The following FBXL19 variants were observed in gnomAD, a reference collection of about 807,000 sequenced individuals.
FBXL19 encodes F-box and leucine rich repeat protein 19.
FBXL19 carries 16 observed loss-of-function variants against 71.2 expected under a neutral mutation model. The ratio of observed to expected loss-of-function variants is 0.22; its 90% CI spans 0.15 to 0.34. The LOEUF is 0.34. Among genes scored for constraint, FBXL19 ranks in the 10% least tolerant of loss-of-function variants. The pLI, the probability that FBXL19 is intolerant of heterozygous loss-of-function variation, is 1.00. For synonymous variants in FBXL19, 447 were observed against 409.4 expected, an observed-to-expected ratio of 1.09 and a Z score of -1.11; for missense variants, 658 against 968.2, an observed-to-expected ratio of 0.68 and a Z score of 4.25.
intron 7 of FBXL19, among the ~76,000 whole-genome samples, chr16:30,941,343 G>T (rs1410480137): frequency 6.6e-6 from 1 of 152,136 alleles, no homozygotes; most frequent in Non-Finnish European, 1.5e-5. Flanking sequence ...AGCCAGGCGT[G>T]GTGACATGTG....
chr16:30,927,719 T>C, intron 4 of FBXL19, 26 bp from the exon 5 acceptor site: 1 of 1,555,636 alleles, frequency 6.4e-7, no homozygotes, highest in Non-Finnish European at 8.7e-7. Context: ...GTGCAGGTCC[T>C]CACCCCCAGC....
chr16:30,923,070 C>T (rs1447972952), upstream of FBXL19: 10 of 456,708 alleles, frequency 2.2e-5, no homozygotes, highest in Non-Finnish European at 3.5e-5. Flanking sequence ...GCTTGTAGTC[C>T]TCTTTCCTTT....
intron 7 of FBXL19, among the ~76,000 whole-genome samples, chr16:30,931,477 G>A (rs571842453): frequency 2.0e-5 from 3 of 152,278 alleles, no homozygotes; most frequent in South Asian, 2.1e-4. Flanking sequence ...CCAGGGACTC[G>A]CTGTGGCTGG....
intron 7 of FBXL19, 147 bp from the exon 8 acceptor site, chr16:30,941,968 CT>C: frequency 1.2e-6 from 1 of 837,176 alleles, no homozygotes; most frequent in Non-Finnish European, 1.7e-6. Flanking sequence ...TCCCAGTGCT[CT>C]TGGCTGAGGT....
rs1364311396 is a variant in FBXL19 at position 30,928,313 on chromosome 16, C to T, written c.628-154C>T. Among the ~76,000 whole-genome samples the T allele has an allele frequency of 3.3e-5, 5 of 152,122 alleles. No individual in the cohort carries two copies. The East Asian group carries it at 7.7e-4, about 24-fold the overall frequency. On this transcript the variant is annotated intron_variant, in intron 5 of 10. Transcript: ENST00000338343. ...ATGGAGCATGCTCAGTGGGCTAGGA[C>T]GCTGGGTGCAAGGTGAGCATGCTCA...
chr16:30,946,494 C>T lies in FBXL19; in HGVS notation c.1628-236C>T, dbSNP rs2055859771. 6.6e-6 allele frequency among the ~76,000 whole-genome samples: 1 copy of T among 152,212 alleles called. No individual in the cohort carries two copies. Among genetic ancestry groups the T allele is most frequent in the African/African-American group, 2.4e-5 (1 of 41,440 alleles). The stretch of plus-strand genomic sequence containing the variant: ...TGCTAGGATTACAGGCATGAGCCAC[C>T]ACGCCTGGCAGAATATTGTAGTCTC... On this transcript the variant is annotated intron_variant, in intron 9 of 10. Coordinates refer to ENST00000338343, the MANE Select transcript of FBXL19 (RefSeq NM_001382779.1). The surrounding 1 kb of genome is among the most constrained non-coding windows in gnomAD (Gnocchi z 6.7).
chr16:30,926,111 G>A (rs1380982493), intron 2 of FBXL19, among the ~76,000 whole-genome samples, 180 bp downstream of exon 2: 1 of 152,206 alleles, frequency 6.6e-6, no homozygotes, highest in Non-Finnish European at 1.5e-5. Context: ...GCTGGGGGCA[G>A]TGTCCAGGTG....
At chr16:30,941,973 CT>C (rs1404257882) in intron 7 of FBXL19, 142 bp from the exon 8 acceptor site, 1 of 876,902 alleles carries the variant, frequency 1.1e-6, no homozygotes, top group African/African-American at 1.7e-5. Context: ...GTGCTCTTGG[CT>C]GAGGTCAGGT....
rs1348996312 is a variant in FBXL19, at chr16:30,930,407, C to T, written c.1124C>T (p.Pro375Leu). ...PLGPAPPPRPPQLERHVVRPP... is the reference protein window; with the variant it reads ...PLGPAPPPRPLQLERHVVRPP... ...GGCCCAGCCCCACCACCCCGGCCTC[C>T]ACAGCTGGAGCGGCACGTGGTGCGG... The change falls in exon 7 of 11, where the codon CCA becomes CTA. Residue 375 changes from proline (P) to leucine (L), a missense_variant. By Grantham distance (98) the Pro-to-Leu change is moderately conservative. Around this residue, in one of 8 missense-constraint regions of FBXL19, gnomAD observed 447 missense variants for 515.4 expected, o/e 0.87. Transcript: ENST00000338343. This position sits in a 1 kb window ranked among gnomAD's most constrained non-coding sequence, Gnocchi z 8.5. 5 of 1,528,100 alleles carry T rather than the reference C, an allele frequency of 3.3e-6. No individual in the cohort carries two copies. The highest frequency in any genetic ancestry group is 4.4e-6 in the Non-Finnish European group (5 of 1,142,560). The allele number at this position is 1,528,100 out of a possible 1,614,324, so 94.7% of individuals were successfully genotyped here.
In FBXL19 at chr16:30,942,583, G is replaced by C; in HGVS notation, c.1627+47G>C. On this transcript the variant is annotated intron_variant, in intron 9 of 10. Transcript: ENST00000338343. This position sits in a 1 kb window ranked among gnomAD's most constrained non-coding sequence, Gnocchi z 5.7. ...CTGGAGAATGGGCTGGGCAAGGGTA[G>C]GGTAGGAGGCCTCTCAGGTCTCTTC... The C allele has an allele frequency of 2.6e-6, 4 of 1,511,786 alleles. No individual in the cohort carries two copies. The highest frequency in any genetic ancestry group is 3.5e-6 in the Non-Finnish European group (4 of 1,128,446). The allele number at this position is 1,511,786 out of a possible 1,614,324, so 93.6% of individuals were successfully genotyped here.
Position 30,925,566 on chromosome 16 carries a change from C to T in FBXL19, c.-24-165C>T. The T allele has an allele frequency of 1.5e-6, 1 of 678,152 alleles. No homozygotes were observed. Among genetic ancestry groups the T allele is most frequent in the Non-Finnish European group, 2.2e-6 (1 of 454,736 alleles). The allele number at this position is 678,152 out of a possible 1,614,324, so 42.0% of individuals were successfully genotyped here. A position where few individuals can be genotyped will look rare whatever the true frequency, so the allele number is the denominator to read the frequency against. ...TCTTGAGCTGCTGCAGGGAGACAGG[C>T]CTTGAGTAGAGGATTGGCCCCCAGA... On this transcript the variant is annotated intron_variant, in intron 1 of 10. Coordinates refer to ENST00000338343, the MANE Select transcript of FBXL19 (RefSeq NM_001382779.1). This position sits in a 1 kb window ranked among gnomAD's most constrained non-coding sequence, Gnocchi z 5.0.
In FBXL19 at chr16:30,946,912, C is replaced by T. The variant is rs752940698; in HGVS notation, c.1810C>T (p.Pro604Ser). The part of the protein sequence containing the change: ...SVHLLTAPTS[P>S]LRETLVHLNL... ...TCACCTCCTCACGGCCCCCACGTCC[C>T]CACTCCGCGAGACCCTGGTGCACCT... is the stretch of plus-strand genomic sequence containing the variant. The change falls in exon 10 of 11, where the codon CCA becomes TCA. Residue 604 changes from proline to serine, a missense_variant. Transcript: ENST00000338343. This position sits in a 1 kb window ranked among gnomAD's most constrained non-coding sequence, Gnocchi z 6.7. 1 of 1,610,534 alleles carries T rather than the reference C, an allele frequency of 6.2e-7. No homozygotes were observed. Among genetic ancestry groups the T allele is most frequent in the Admixed American group, 1.7e-5 (1 of 59,692 alleles).
chr16:30,924,389 C>A lies in FBXL19; in HGVS notation c.-95C>A. 2 of 199,370 alleles carry A rather than the reference C, an allele frequency of 1.0e-5. No individual in the cohort carries two copies. The highest frequency in any genetic ancestry group is 3.5e-4 in the South Asian group (2 of 5,752). The allele number at this position is 199,370 out of a possible 1,614,324, so 12.4% of individuals were successfully genotyped here. A position where few individuals can be genotyped will look rare whatever the true frequency, so the allele number is the denominator to read the frequency against. ...CCGCGCCCCGCGCCGCCCGGCCCCC[C>A]CGCCGCCGATGGCCGCCGACCCGCC... On this transcript the variant is annotated 5_prime_UTR_variant, in exon 1 of 11. Transcript: ENST00000338343.
chr16:30,932,066 G>A (rs2055680929), intron 7 of FBXL19, among the ~76,000 whole-genome samples: 1 of 152,056 alleles, frequency 6.6e-6, no homozygotes, highest in African/African-American at 2.4e-5. Flanking sequence ...TAAACCATTA[G>A]GCCAGTCACT....
chr16:30,947,819 G>A lies in FBXL19; in HGVS notation c.*589G>A. The A allele has an allele frequency of 4.5e-6, 2 of 446,062 alleles. No homozygotes were observed. Among genetic ancestry groups the A allele is most frequent in the Non-Finnish European group, 9.0e-6 (2 of 222,164 alleles). 27.6% of individuals were successfully genotyped at this position (446,062 alleles called of 1,614,324 possible). On this transcript the variant is annotated 3_prime_UTR_variant, in exon 11 of 11. Transcript: ENST00000338343. ...GTGGGGACAGCAATACCCCCTTGGG[G>A]GTCACCTCTCTGCTTCCCCCCTCCC... is the stretch of plus-strand genomic sequence containing the variant.
chr16:30,940,825 C>G (rs1029204151), intron 7 of FBXL19, among the ~76,000 whole-genome samples: 5 of 152,076 alleles, frequency 3.3e-5, no homozygotes, highest in African/African-American at 1.2e-4. Context: ...CGCCACCATG[C>G]CCAGCTAATT....
At chr16:30,927,103 A>G (rs1460876967) in intron 2 of FBXL19, among the ~76,000 whole-genome samples, 1 of 152,236 alleles carries the variant, frequency 6.6e-6, no homozygotes, top group Non-Finnish European at 1.5e-5. Flanking sequence ...TCTTAGCCCC[A>G]TTCTGCAGAT....
Position 30,930,613 on chromosome 16 carries a change from G to A in FBXL19, c.1301+29G>A, listed in dbSNP as rs1225708929. 7.8e-6 allele frequency: 11 copies of A among 1,404,898 alleles called. No individual in the cohort carries two copies. Among genetic ancestry groups the A allele is most frequent in the African/African-American group, 3.0e-5 (2 of 66,538 alleles). 87.0% of individuals were successfully genotyped at this position (1,404,898 alleles called of 1,614,324 possible). A position where few individuals can be genotyped will look rare whatever the true frequency, so the allele number is the denominator to read the frequency against. ...AGTGGCCTGGACAGGCCTGCGTTCC[G>A]TGGCCAGCAGGCTTCCCGCTTGCTG... is the stretch of plus-strand genomic sequence containing the variant. On this transcript the variant is annotated intron_variant, in intron 7 of 10. Coordinates refer to ENST00000338343, the MANE Select transcript of FBXL19 (RefSeq NM_001382779.1). The surrounding 1 kb of genome is among the most constrained non-coding windows in gnomAD (Gnocchi z 8.5).
intron 7 of FBXL19, among the ~76,000 whole-genome samples, chr16:30,937,637 TC>T (rs1358636434): frequency 6.6e-6 from 1 of 152,204 alleles, no homozygotes; most frequent in African/African-American, 2.4e-5. Flanking sequence ...GTGGGAGACT[TC>T]CTGGAAGAGG....
Sources: gnomAD v4.1 joint callset for allele counts (sites outside exome capture counted in the v4.1 genomes callset) on GRCh38, gnomAD v4.1.1 for gene constraint, gnomAD v4.1.1 regional missense constraint, Gnocchi (gnomAD v3.1) non-coding constraint, MANE v1.5 for transcripts, NCBI Gene and HGNC (gene_info 2026-07-23, HGNC 2026-07-21) for gene names.